The following BACH2 variants were observed in gnomAD, a reference collection of about 807,000 sequenced individuals.
The protein encoded by BACH2 is transcription regulator protein BACH2.
A neutral mutation model predicts 61.8 loss-of-function variants in BACH2; 5 were observed. The observed-to-expected ratio is 0.08, with a 90% CI of 0.04 to 0.17. The LOEUF is 0.17. Among genes scored for constraint, BACH2 ranks in the 10% least tolerant of loss-of-function variants. The pLI is 1.00. For missense variants in BACH2, 824 were observed against 1,091.1 expected, an observed-to-expected ratio of 0.76 and a Z score of 3.45; for synonymous variants, 446 against 440.1, an observed-to-expected ratio of 1.01 and a Z score of -0.17.
intron 3 of BACH2, among the ~76,000 whole-genome samples, chr6:90,217,255 G>A (rs1293598652): frequency 6.6e-6 from 1 of 152,088 alleles, no homozygotes; most frequent in African/African-American, 2.4e-5. Context: ...AAAATTCAGT[G>A]GTAGCTATTA....
intron 5 of BACH2, among the ~76,000 whole-genome samples, chr6:90,072,513 T>C (rs1781282007): frequency 6.6e-6 from 1 of 152,226 alleles, no homozygotes; most frequent in Admixed American, 6.5e-5. Context: ...TTTTCTCAGG[T>C]TGGTTAGCAG....
intron 6 of BACH2, among the ~76,000 whole-genome samples, chr6:89,993,760 G>C (rs555722499): frequency 1.3e-5 from 2 of 151,544 alleles, no homozygotes; most frequent in East Asian, 3.9e-4. Flanking sequence ...GAACTCCAAG[G>C]ACACCAGGGC....
chr6:89,978,753 A>G (rs1775792168), intron 6 of BACH2, among the ~76,000 whole-genome samples: 2 of 152,178 alleles, frequency 1.3e-5, no homozygotes, highest in Non-Finnish European at 2.9e-5. Context: ...AAAATTTTCT[A>G]TGTATGTTTC....
chr6:90,232,742 A>C (rs1235012121), intron 3 of BACH2, among the ~76,000 whole-genome samples: 2 of 152,178 alleles, frequency 1.3e-5, no homozygotes, highest in Non-Finnish European at 2.9e-5. Flanking sequence ...TAAGTTTTGA[A>C]AATTGATTCC....
chr6:89,956,260 C>A (rs976940953), intron 6 of BACH2, among the ~76,000 whole-genome samples: 6 of 152,276 alleles, frequency 3.9e-5, no homozygotes, highest in Admixed American at 3.3e-4. Flanking sequence ...GAGATGGGAT[C>A]ACACATTGGG....
At chr6:90,180,854 G>A (rs1275601037) in intron 4 of BACH2, among the ~76,000 whole-genome samples, 4 of 133,850 alleles carry the variant, frequency 3.0e-5, no homozygotes, top group Non-Finnish European at 4.5e-5. Context: ...ATGGAATTAT[G>A]TGTATTACAC....
intron 4 of BACH2, among the ~76,000 whole-genome samples, chr6:90,122,590 T>A (rs985519649): frequency 3.3e-5 from 5 of 152,202 alleles, no homozygotes; most frequent in South Asian, 2.1e-4. Flanking sequence ...TATGACATTT[T>A]AAAAAAATTT....
chr6:90,011,820 C>T lies in BACH2; in HGVS notation c.-12-2964G>A, dbSNP rs552294332. Reference sequence around the variant, plus strand: ...CCTGTAATCCCAGCTACTTGGGAGGCGGAGACAGGAGAATCGCTTGAACCC... The same window carrying T: ...CCTGTAATCCCAGCTACTTGGGAGGTGGAGACAGGAGAATCGCTTGAACCC... On this transcript the variant is annotated intron_variant, in intron 5 of 8. Transcript: ENST00000257749. 1.6e-4 allele frequency among the ~76,000 whole-genome samples: 23 copies of T among 146,700 alleles called. No individual in the cohort carries two copies. The South Asian group carries it at 2.0e-3, about 13-fold the overall frequency.
rs1304590365 is a variant in BACH2 at position 90,094,209 on chromosome 6, AC to A, written c.-161-5101del. Among the ~76,000 whole-genome samples, 4 of 152,202 alleles carry A rather than the reference AC, an allele frequency of 2.6e-5. No individual in the cohort carries two copies. The East Asian group carries it at 7.7e-4, about 29-fold the overall frequency. On this transcript the variant is annotated intron_variant, in intron 4 of 8. Transcript: ENST00000257749. ...AAATGGTGGGCAAGGGAGTGTTCTTACCAATTAGTTGTGAAATGATCAGGTT... is the reference window on the plus strand; with the variant it reads ...AAATGGTGGGCAAGGGAGTGTTCTTACAATTAGTTGTGAAATGATCAGGTT...
chr6:89,973,636 C>T (rs755981224), intron 6 of BACH2, among the ~76,000 whole-genome samples: 14 of 152,186 alleles, frequency 9.2e-5, no homozygotes, highest in Admixed American at 3.3e-4. Context: ...ACATGACACA[C>T]TCACAGGTTT....
At chr6:90,259,899 G>A (rs1169284720) in intron 2 of BACH2, among the ~76,000 whole-genome samples, 6 of 151,798 alleles carry the variant, frequency 4.0e-5, no homozygotes, top group Non-Finnish European at 8.8e-5. Context: ...TTCCCGAGGT[G>A]TCTGTTGTAA....
rs145193288 is a variant in BACH2 at position 89,934,061 on chromosome 6, C to A, written c.2044-1171G>T. 1.4e-4 allele frequency among the ~76,000 whole-genome samples: 21 copies of A among 152,194 alleles called. No homozygotes were observed. The South Asian group carries it at 4.4e-3, about 32-fold the overall frequency. On this transcript the variant is annotated intron_variant, in intron 8 of 8. Coordinates refer to ENST00000257749, the MANE Select transcript of BACH2 (RefSeq NM_021813.4). The stretch of plus-strand genomic sequence containing the variant: ...CAATTTCCTGTCGTTGCCTAACATA[C>A]GGAGTTTCATATAGAACCCAGTATC...
intron 6 of BACH2, among the ~76,000 whole-genome samples, chr6:89,957,082 G>A (rs1419097659): frequency 6.6e-6 from 1 of 152,150 alleles, no homozygotes; most frequent in African/African-American, 2.4e-5. Context: ...CCTGCCCAAG[G>A]GCTTTTTAAA....
intron 4 of BACH2, among the ~76,000 whole-genome samples, chr6:90,114,853 G>A (rs372102769): frequency 6.6e-6 from 1 of 152,008 alleles, no homozygotes; most frequent in Non-Finnish European, 1.5e-5. Flanking sequence ...AAAATCACTA[G>A]CATTCCTATA....
At chr6:90,278,825 A>T (rs1771771843) in intron 1 of BACH2, among the ~76,000 whole-genome samples, 1 of 152,194 alleles carries the variant, frequency 6.6e-6, no homozygotes, top group Non-Finnish European at 1.5e-5. Context: ...GACTTTAGAG[A>T]CTAAATCAGC....
intron 5 of BACH2, among the ~76,000 whole-genome samples, chr6:90,075,974 C>A (rs539914325): frequency 2.2e-4 from 33 of 152,142 alleles, no homozygotes; most frequent in Middle Eastern, 3.4e-3. Context: ...AAGAGACGAT[C>A]CAGAGATGGT....
At chr6:90,059,935 T>C (rs1287972374) in intron 5 of BACH2, among the ~76,000 whole-genome samples, 1 of 120,368 alleles carries the variant, frequency 8.3e-6, no homozygotes, top group African/African-American at 3.3e-5. Flanking sequence ...TGAGAACACA[T>C]GGACACAGGA....
At chr6:90,031,221 T>G (rs1431044355) in intron 5 of BACH2, among the ~76,000 whole-genome samples, 1 of 152,010 alleles carries the variant, frequency 6.6e-6, no homozygotes, top group Non-Finnish European at 1.5e-5. Context: ...ATAAGAGCTA[T>G]CTATGACAAA....
chr6:90,255,212 C>T (rs1025027227), intron 2 of BACH2, among the ~76,000 whole-genome samples: 1 of 152,186 alleles, frequency 6.6e-6, no homozygotes, highest in African/African-American at 2.4e-5. Context: ...TGTGGCCACA[C>T]AAGACTGATT....
Sources: gnomAD v4.1 joint callset for allele counts (sites outside exome capture counted in the v4.1 genomes callset) on GRCh38, gnomAD v4.1.1 for gene constraint, MANE v1.5 for transcripts, NCBI Gene and HGNC (gene_info 2026-07-23, HGNC 2026-07-21) for gene names.